APP: variants seen among roughly 807,000 people sequenced by gnomAD.
APP encodes amyloid beta precursor protein.
In APP, 31 loss-of-function variants were observed where a neutral mutation model predicts 101.4. The ratio of observed to expected loss-of-function variants is 0.31; its 90% confidence interval spans 0.23 to 0.41. APP has a LOEUF of 0.41. Among genes scored for constraint, APP ranks in the 10% least tolerant of loss-of-function variants. APP has a pLI of 1.00. For synonymous variants in APP, 366 were observed against 364.4 expected (o/e 1.00, Z -0.05); for missense variants, 839 against 1,003.7 (o/e 0.84, Z 2.22).
At chr21:25,980,253 C>G (rs1486553220) in intron 9 of APP, among the ~76,000 whole-genome samples, 1 of 152,124 alleles carries the variant, frequency 6.6e-6, no homozygotes, top group African/African-American at 2.4e-5. Context: ...GCTGAGCATT[C>G]GGTGTTTATT....
intron 5 of APP, among the ~76,000 whole-genome samples, chr21:26,050,745 G>A (rs996337603): frequency 6.6e-6 from 1 of 152,118 alleles, no homozygotes; most frequent in Non-Finnish European, 1.5e-5. Flanking sequence ...AGTAACCTAT[G>A]ATAGTTATCA....
chr21:26,026,279 CAAT>C (rs1302637178), intron 5 of APP, among the ~76,000 whole-genome samples: 2 of 152,078 alleles, frequency 1.3e-5, no homozygotes, highest in Admixed American at 1.3e-4. Flanking sequence ...TTTTAAACAC[CAAT>C]AACAAACATT....
chr21:25,961,826 G>A (rs1264848756), intron 11 of APP, among the ~76,000 whole-genome samples: 2 of 151,982 alleles, frequency 1.3e-5, no homozygotes, highest in South Asian at 2.1e-4. Context: ...TACTTAAGAC[G>A]GGTTATTCAT....
intron 16 of APP, among the ~76,000 whole-genome samples, chr21:25,893,737 G>A (rs2037846150): frequency 6.6e-6 from 1 of 152,210 alleles, no homozygotes; most frequent in South Asian, 2.1e-4. Flanking sequence ...ACACAGAAGT[G>A]CAAGGTGAAG....
intron 15 of APP, among the ~76,000 whole-genome samples, chr21:25,903,981 G>C (rs953724606): frequency 1.1e-4 from 1 of 9,060 alleles, no homozygotes; most frequent in Non-Finnish European, 1.9e-4. Flanking sequence ...GAAGTGTGAG[G>C]GACAGGGTGG....
At chr21:25,950,111 A>T (rs191700427) in intron 13 of APP, among the ~76,000 whole-genome samples, 2 of 151,792 alleles carry the variant, frequency 1.3e-5, no homozygotes, top group Admixed American at 1.3e-4. Context: ...ATCAGTCTCC[A>T]CTCTTACCCT....
intron 13 of APP, among the ~76,000 whole-genome samples, chr21:25,943,615 A>G (rs1289238179): frequency 2.0e-5 from 3 of 150,440 alleles, no homozygotes. Flanking sequence ...TGCCCGGCTA[A>G]TTTTTTTATT....
At chr21:26,057,581 A>C (rs921477385) in intron 3 of APP, among the ~76,000 whole-genome samples, 1 of 152,188 alleles carries the variant, frequency 6.6e-6, no homozygotes, top group African/African-American at 2.4e-5. Context: ...CAAGGTGAAC[A>C]AGGATGGCAA....
intron 1 of APP, among the ~76,000 whole-genome samples, chr21:26,162,059 A>G (rs1311629986): frequency 6.6e-6 from 1 of 152,234 alleles, no homozygotes; most frequent in East Asian, 1.9e-4. Context: ...CAGGCACAAT[A>G]GCTCACACCT....
intron 14 of APP, among the ~76,000 whole-genome samples, chr21:25,910,112 T>C (rs901315723): frequency 5.3e-5 from 8 of 151,976 alleles, no homozygotes; most frequent in African/African-American, 1.9e-4. Context: ...ATAAGGTATA[T>C]ATATTTTTTA....
upstream of APP, chr21:26,171,076 C>G (rs1171958338): frequency 1.3e-5 from 2 of 154,916 alleles, no homozygotes; most frequent in East Asian, 1.9e-4. Context: ...CGCTGAGGCT[C>G]TAGAAAAGTC....
At chr21:25,947,927 C>T (rs988240787) in intron 13 of APP, among the ~76,000 whole-genome samples, 1 of 150,300 alleles carries the variant, frequency 6.7e-6, no homozygotes, top group African/African-American at 2.5e-5. Flanking sequence ...ATCACTTGAA[C>T]CCGGGAGGCG....
intron 11 of APP, among the ~76,000 whole-genome samples, chr21:25,969,895 A>G (rs1258518843): frequency 0.019 from 15 of 778 alleles, no homozygotes; most frequent in Non-Finnish European, 0.041. Context: ...AGAGAAGATT[A>G]GAGAAGAGAA....
intron 2 of APP, among the ~76,000 whole-genome samples, chr21:26,092,613 T>C (rs1321315612): frequency 1.3e-5 from 2 of 152,204 alleles, no homozygotes. Context: ...ACATATGTCA[T>C]TATACATTTG....
intron 13 of APP, among the ~76,000 whole-genome samples, chr21:25,915,916 A>AG (rs2039325461): frequency 6.6e-6 from 1 of 152,212 alleles, no homozygotes; most frequent in South Asian, 2.1e-4. Flanking sequence ...GTAAGTGAAA[A>AG]AGTGACAGAT....
At chr21:25,906,884 A>C (rs2038820766) in intron 14 of APP, among the ~76,000 whole-genome samples, 2 of 152,208 alleles carry the variant, frequency 1.3e-5, no homozygotes, top group African/African-American at 4.8e-5. Context: ...TTACGTTATT[A>C]GAAAATGTAT....
rs67118069 is a variant in APP at position 26,032,794 on chromosome 21, G to GAAAA, written c.663-10756_663-10753dup. On this transcript the variant is annotated intron_variant, in intron 5 of 17. Coordinates refer to ENST00000346798, the MANE Select transcript of APP (RefSeq NM_000484.4). ...GTTTTTCTTGGGGCTTATTATTTTA[G>GAAAA]AAAAAAAAAAAATATATATATATAT... is the stretch of plus-strand genomic sequence containing the variant. Among the ~76,000 whole-genome samples the GAAAA allele has an allele frequency of 4.4e-5, 6 of 137,712 alleles. No homozygotes were observed. The South Asian group carries it at 1.0e-3, about 23-fold the overall frequency. 90.3% of individuals were successfully genotyped at this position (137,712 alleles called of 152,430 possible).
At chr21:26,091,815 G>A (rs949513288) in intron 2 of APP, among the ~76,000 whole-genome samples, 14 of 152,114 alleles carry the variant, frequency 9.2e-5, no homozygotes, top group Non-Finnish European at 2.1e-4. Context: ...CCCACCTCTA[G>A]GGGCAACGCT....
chr21:26,056,640 T>G (rs951849807), intron 3 of APP, among the ~76,000 whole-genome samples: 3 of 151,800 alleles, frequency 2.0e-5, no homozygotes, highest in Non-Finnish European at 4.4e-5. Context: ...CTGAACTTTC[T>G]AACTTGCAAA....
Sources: allele counts gnomAD v4.1 joint callset (sites outside exome capture counted in the v4.1 genomes callset), GRCh38; gene constraint gnomAD v4.1.1; transcripts MANE v1.5; gene names NCBI Gene and HGNC (gene_info 2026-07-23, HGNC 2026-07-21).